WWOX: variants seen among roughly 807,000 people sequenced by gnomAD.
WWOX encodes WW domain-containing oxidoreductase.
In WWOX, 69 loss-of-function variants were observed where a neutral mutation model predicts 46.2. The observed-to-expected ratio is 1.49, with a 90% CI of 1.23 to 1.82. The LOEUF (loss-of-function observed/expected upper bound fraction) is 1.82, where lower values mean the gene tolerates loss of function less well. Among genes scored for constraint, WWOX ranks in the 40% most tolerant of loss-of-function variants. The pLI, the probability that WWOX is intolerant of heterozygous loss-of-function variation, is 0.00. For missense variants in WWOX, 919 were observed against 542.6 expected (o/e 1.69, Z -6.89); for synonymous variants, 359 against 202.6 (o/e 1.77, Z -6.56).
chr16:78,139,336 T>C (rs2151705618), intron 4 of WWOX, among the ~76,000 whole-genome samples: 1 of 152,242 alleles, frequency 6.6e-6, no homozygotes, highest in Middle Eastern at 3.4e-3. Flanking sequence ...TTTCTAATGA[T>C]TCACATTGTA....
intron 8 of WWOX, among the ~76,000 whole-genome samples, chr16:79,029,250 G>C (rs977529694): frequency 6.6e-6 from 1 of 152,144 alleles, no homozygotes; most frequent in East Asian, 1.9e-4. Flanking sequence ...TCAGTTCCAC[G>C]TCTTTGAGTT....
chr16:78,333,769 A>C (rs1399875566), intron 5 of WWOX, among the ~76,000 whole-genome samples: 1 of 152,248 alleles, frequency 6.6e-6, no homozygotes. Context: ...AACGTGACCC[A>C]AAGTTTTGGC....
chr16:78,670,206 G>A (rs563660909), intron 8 of WWOX, among the ~76,000 whole-genome samples: 1 of 152,122 alleles, frequency 6.6e-6, no homozygotes, highest in Non-Finnish European at 1.5e-5. Flanking sequence ...TCTAACCACA[G>A]CTGGAGTTTA....
At chr16:78,963,715 A>C (rs1187465065) in intron 8 of WWOX, among the ~76,000 whole-genome samples, 5 of 152,186 alleles carry the variant, frequency 3.3e-5, no homozygotes, top group Admixed American at 3.3e-4. Flanking sequence ...CACTTAACAC[A>C]CAGACACATA....
chr16:78,966,886 G>C (rs1256708274), intron 8 of WWOX, among the ~76,000 whole-genome samples: 1 of 152,168 alleles, frequency 6.6e-6, no homozygotes, highest in Non-Finnish European at 1.5e-5. Context: ...TCATAGAGTT[G>C]CAGTGGAGAT....
chr16:78,117,361 T>G (rs530390756), intron 4 of WWOX, among the ~76,000 whole-genome samples: 1 of 152,166 alleles, frequency 6.6e-6, no homozygotes, highest in East Asian at 1.9e-4. Flanking sequence ...GGAATGGCCT[T>G]TAACACTGTC....
chr16:78,960,187 A>T (rs1280010568), intron 8 of WWOX, among the ~76,000 whole-genome samples: 1 of 152,194 alleles, frequency 6.6e-6, no homozygotes, highest in African/African-American at 2.4e-5. Flanking sequence ...GTGGTGTAAA[A>T]GATAGTACCT....
At chr16:78,937,301 C>G (rs1477716675) in intron 8 of WWOX, among the ~76,000 whole-genome samples, 1 of 152,074 alleles carries the variant, frequency 6.6e-6, no homozygotes, top group Non-Finnish European at 1.5e-5. Context: ...CTCCAATACA[C>G]CTGCATCTTT....
intron 8 of WWOX, among the ~76,000 whole-genome samples, chr16:78,486,118 AG>A: frequency 6.6e-6 from 1 of 152,240 alleles, no homozygotes; most frequent in East Asian, 1.9e-4. Context: ...TATGCCGGTA[AG>A]TGTTGAACAA....
At chr16:78,911,811 A>G (rs1445805557) in intron 8 of WWOX, among the ~76,000 whole-genome samples, 1 of 152,084 alleles carries the variant, frequency 6.6e-6, no homozygotes, top group Non-Finnish European at 1.5e-5. Flanking sequence ...GGTTGCAGGG[A>G]GCTGAGATCA....
chr16:79,018,738 G>C (rs1018722030), intron 8 of WWOX, among the ~76,000 whole-genome samples: 6 of 152,136 alleles, frequency 3.9e-5, no homozygotes, highest in African/African-American at 1.2e-4. Flanking sequence ...CCATAAACCA[G>C]GGTCTTTCCT....
At chr16:78,796,788 T>G (rs1450467914) in intron 8 of WWOX, among the ~76,000 whole-genome samples, 1 of 151,800 alleles carries the variant, frequency 6.6e-6, no homozygotes, top group Non-Finnish European at 1.5e-5. Context: ...CTCTGGCTGG[T>G]CAGTAAGAAC....
At chr16:79,160,362 A>G (rs925784236) in intron 8 of WWOX, among the ~76,000 whole-genome samples, 3 of 152,038 alleles carry the variant, frequency 2.0e-5, no homozygotes, top group Non-Finnish European at 4.4e-5. Context: ...GTTGCTACCT[A>G]GTCCCGGCTC....
chr16:78,464,785 C>G (rs1316987018), intron 8 of WWOX, among the ~76,000 whole-genome samples: 1 of 152,158 alleles, frequency 6.6e-6, no homozygotes, highest in African/African-American at 2.4e-5. Context: ...CTGCAACTCT[C>G]TGTTCTGACC....
intron 8 of WWOX, among the ~76,000 whole-genome samples, chr16:79,104,588 G>A (rs1489105385): frequency 1.3e-5 from 2 of 152,094 alleles, no homozygotes; most frequent in African/African-American, 2.4e-5. Flanking sequence ...AAATACGCAC[G>A]AATATTAAGT....
chr16:78,513,655 A>G (rs557154832), intron 8 of WWOX, among the ~76,000 whole-genome samples: 9 of 152,354 alleles, frequency 5.9e-5, no homozygotes, highest in African/African-American at 2.2e-4. Flanking sequence ...ACAAATATAC[A>G]GAGGTGGTGT....
chr16:79,059,327 A>G (rs2048319299), intron 8 of WWOX, among the ~76,000 whole-genome samples: 1 of 152,236 alleles, frequency 6.6e-6, no homozygotes, highest in Non-Finnish European at 1.5e-5. Flanking sequence ...TTAAGTGAGC[A>G]CATTAACTAT....
intron 8 of WWOX, among the ~76,000 whole-genome samples, chr16:78,978,106 T>G (rs925208093): frequency 3.3e-5 from 5 of 152,204 alleles, no homozygotes; most frequent in African/African-American, 1.2e-4. Flanking sequence ...ATATTTTATT[T>G]AAGTGGGATC....
chr16:79,170,386 C>G (rs189009607), intron 8 of WWOX, among the ~76,000 whole-genome samples: 4 of 152,298 alleles, frequency 2.6e-5, no homozygotes, highest in Non-Finnish European at 4.4e-5. Context: ...ACTCCAGAAG[C>G]ACTTTCCTCT....
Sources: allele counts gnomAD v4.1 joint callset (sites outside exome capture counted in the v4.1 genomes callset), GRCh38; gene constraint gnomAD v4.1.1; transcripts MANE v1.5; gene names NCBI Gene and HGNC (gene_info 2026-07-23, HGNC 2026-07-21).